HLA-DOB: variants seen among roughly 807,000 people sequenced by gnomAD.
The protein encoded by HLA-DOB is major histocompatibility complex, class II, DO beta.
HLA-DOB carries 25 observed loss-of-function variants against 27.7 expected under a neutral mutation model. The ratio of observed to expected loss-of-function variants is 0.90; its 90% CI spans 0.66 to 1.26. The LOEUF (loss-of-function observed/expected upper bound fraction) is 1.26, where lower values mean the gene tolerates loss of function less well. Among genes scored for constraint, HLA-DOB ranks in the 50% most tolerant of loss-of-function variants. HLA-DOB has a pLI of 0.00. For synonymous variants in HLA-DOB, 137 were observed against 125.6 expected (o/e 1.09, Z -0.61); for missense variants, 306 against 324.9 (o/e 0.94, Z 0.45).
Position 32,814,442 on chromosome 6 carries a change from A to G in HLA-DOB, c.521T>C (p.Ile174Thr), listed in dbSNP as rs767194638. Residue 174 changes from isoleucine (I) to threonine (T), a missense_variant, in exon 3 of 6, where the codon ATC (isoleucine) becomes ACC (threonine). Physicochemically the swap from Ile to Thr is moderately conservative, Grantham distance 89. Coordinates refer to ENST00000438763, the MANE Select transcript of HLA-DOB (RefSeq NM_002120.4). ...CTGAAAGGTCCAGTCTCCATTCCTG[A>G]TAGGGCCAGTGGACATGACCCCAGC... ...ERAGVMSTGP[I>T]RNGDWTFQTV... The G allele has an allele frequency of 4.1e-5, 66 of 1,612,930 alleles. No homozygotes were observed. The highest frequency in any genetic ancestry group is 6.7e-5 in the Admixed American group (4 of 59,994).
chr6:32,815,366 A>G, intron 1 of HLA-DOB, 53 bp from the exon 2 acceptor site: 1 of 1,603,176 alleles, frequency 6.2e-7, no homozygotes, highest in Non-Finnish European at 8.5e-7. Context: ...GGGAAAACCC[A>G]TGCCTGGTAA....
rs947677128 is a variant in HLA-DOB, at chr6:32,815,132, C to T, written c.273G>A (p.Leu91=). ...QPDAEQWNSR[L]DLLERSRQAV... is the part of the protein sequence containing the mutation. ...CCTGTCTGCTCCTCTCCAAGAGATC[C>T]AGCCGGCTGTTCCACTGCTCAGCAT... Residue 91 remains leucine (L), a synonymous_variant, in exon 2 of 6, where the codon CTG becomes CTA. Transcript: ENST00000438763. 8.7e-6 allele frequency: 14 copies of T among 1,614,104 alleles called. No homozygotes were observed. The highest frequency in any genetic ancestry group is 1.2e-5 in the Non-Finnish European group (14 of 1,180,046).
chr6:32,816,780 C>G, intron 1 of HLA-DOB, 81 bp downstream of exon 1: 1 of 1,152,060 alleles, frequency 8.7e-7, no homozygotes. Flanking sequence ...GGTCTGTGGC[C>G]TGGACTTACA....
Position 32,815,290 on chromosome 6 carries a change from C to T in HLA-DOB, c.115G>A (p.Ala39Thr), listed in dbSNP as rs1242945335. ...SPEDFVIQAKADCYFTNGTEK... is the reference protein window; with the variant it reads ...SPEDFVIQAKTDCYFTNGTEK... ...GTCCCGTTGGTGAAGTAACAGTCAG[C>T]CTTTGCCTGAATCACAAAATCTTCT... The change falls in exon 2 of 6, where the codon GCT (alanine) becomes ACT (threonine). Residue 39 changes from alanine to threonine, a missense_variant. Coordinates refer to ENST00000438763, the MANE Select transcript of HLA-DOB (RefSeq NM_002120.4). 1.2e-6 allele frequency: 2 copies of T among 1,614,150 alleles called. No individual in the cohort carries two copies. Among genetic ancestry groups the T allele is most frequent in the Non-Finnish European group, 8.5e-7 (1 of 1,179,982 alleles).
Position 32,813,143 on chromosome 6 carries a change from C to A in HLA-DOB, c.*73G>T, listed in dbSNP as rs989783723. 2.2e-6 allele frequency: 3 copies of A among 1,346,476 alleles called. No individual in the cohort carries two copies. Among genetic ancestry groups the A allele is most frequent in the Non-Finnish European group, 3.2e-6 (3 of 936,602 alleles). 83.4% of individuals were successfully genotyped at this position (1,346,476 alleles called of 1,614,324 possible). ...CCCAGAACATTGACCTCATGAATGT[C>A]CTTTACCTCACCCAGGGCCCAGACT... On this transcript the variant is annotated 3_prime_UTR_variant, in exon 6 of 6. Coordinates refer to ENST00000438763, the MANE Select transcript of HLA-DOB (RefSeq NM_002120.4).
chr6:32,815,401 A>G (rs1767977615), intron 1 of HLA-DOB, 88 bp from the exon 2 acceptor site: 2 of 1,440,466 alleles, frequency 1.4e-6, no homozygotes, highest in African/African-American at 2.8e-5. Context: ...CATGGATCTA[A>G]GAGGAGGCCT....
chr6:32,815,243 G>A lies in HLA-DOB; in HGVS notation c.162C>T (p.Val54=), dbSNP rs1449581473. Residue 54 remains valine (V), a synonymous_variant, in exon 2 of 6, where the codon GTC becomes GTT. Coordinates refer to ENST00000438763, the MANE Select transcript of HLA-DOB (RefSeq NM_002120.4). ...TNGTEKVQFV[V]RFIFNLEEYV... ...ACTCCTCCAAGTTAAAGATGAATCT[G>A]ACCACAAACTGCACCTTTTCTGTCC... The A allele has an allele frequency of 2.5e-6, 4 of 1,614,168 alleles. No homozygotes were observed. In the Admixed American group the frequency reaches 6.7e-5, roughly 27 times the overall value.
rs1290083690 is a variant in HLA-DOB, at chr6:32,815,303, C to T, written c.102G>A (p.Val34=). The T allele has an allele frequency of 6.2e-7, 1 of 1,613,982 alleles. No individual in the cohort carries two copies. Among genetic ancestry groups the T allele is most frequent in the Admixed American group, 1.7e-5 (1 of 60,024 alleles). ...TQGTDSPEDF[V]IQAKADCYFT... Reference sequence around the variant, plus strand: ...AGTAACAGTCAGCCTTTGCCTGAATCACAAAATCTTCTGGAAAACCAAAAC... The same window carrying T: ...AGTAACAGTCAGCCTTTGCCTGAATTACAAAATCTTCTGGAAAACCAAAAC... Residue 34 remains valine, a synonymous_variant, in exon 2 of 6, where the codon GTG becomes GTA. Transcript: ENST00000438763.
At chr6:32,814,776 G>A (rs1402512088) in intron 2 of HLA-DOB, among the ~76,000 whole-genome samples, 175 bp from the exon 3 acceptor site, 1 of 152,160 alleles carries the variant, frequency 6.6e-6, no homozygotes, top group Non-Finnish European at 1.5e-5. Flanking sequence ...TGCCTGTCAG[G>A]AGGATTTAGA....
At chr6:32,813,658 T>G in intron 4 of HLA-DOB, 65 bp downstream of exon 4, 2 of 1,202,156 alleles carry the variant, frequency 1.7e-6, no homozygotes, top group Non-Finnish European at 2.4e-6. Flanking sequence ...ATCATTGACG[T>G]TAGGGAAGGT....
At chr6:32,816,104 C>A (rs777550853) in intron 1 of HLA-DOB, among the ~76,000 whole-genome samples, 1 of 151,966 alleles carries the variant, frequency 6.6e-6, no homozygotes, top group Admixed American at 6.5e-5. Flanking sequence ...AAACTCAGGG[C>A]GGTTTCTATT....
intron 1 of HLA-DOB, among the ~76,000 whole-genome samples, chr6:32,815,521 T>A (rs1182401236): frequency 1.3e-5 from 2 of 152,194 alleles, no homozygotes; most frequent in African/African-American, 4.8e-5. Context: ...AGAGCAATAA[T>A]GCTACATATT....
rs746190236 is a variant in HLA-DOB, at chr6:32,816,940, C to T, written c.12G>A (p.Gly4=). MGS[G]WVPWVVALLV... ...GCAGAGCCACCACCCAGGGGACCCACCCAGAACCCATTCTGGAGAAAGGAA... is the reference window on the plus strand; with the variant it reads ...GCAGAGCCACCACCCAGGGGACCCATCCAGAACCCATTCTGGAGAAAGGAA... The change falls in exon 1 of 6, where the codon GGG becomes GGA. Residue 4 remains glycine, a synonymous_variant. Coordinates refer to ENST00000438763, the MANE Select transcript of HLA-DOB (RefSeq NM_002120.4). 11 of 1,612,520 alleles carry T rather than the reference C, an allele frequency of 6.8e-6. No homozygotes were observed. The East Asian group carries it at 1.1e-4, about 16-fold the overall frequency.
In HLA-DOB at chr6:32,815,610, C is replaced by T. The variant is rs60601161; in HGVS notation, c.92-297G>A. Among the ~76,000 whole-genome samples the T allele has an allele frequency of 0.054, 8,188 of 152,216 alleles. 337 individuals carry two copies. Among genetic ancestry groups the T allele is most frequent in the East Asian group, 0.12 (611 of 5,190 alleles). On this transcript the variant is annotated intron_variant, in intron 1 of 5. Coordinates refer to ENST00000438763, the MANE Select transcript of HLA-DOB (RefSeq NM_002120.4). Reference sequence around the variant, plus strand: ...CTCTAGGGAGGGGAGAGAATGAGAACGGAGGCAAGAGAAGAGACGAGAGAG... The same window carrying T: ...CTCTAGGGAGGGGAGAGAATGAGAATGGAGGCAAGAGAAGAGACGAGAGAG...
intron 5 of HLA-DOB, 79 bp from the exon 6 acceptor site, chr6:32,813,330 C>T: frequency 6.3e-7 from 1 of 1,590,102 alleles, no homozygotes; most frequent in East Asian, 2.2e-5. Flanking sequence ...GGGGACAGTC[C>T]CATCCAGACA....
intron 3 of HLA-DOB, 44 bp downstream of exon 3, chr6:32,814,276 T>C (rs754137607): frequency 6.4e-7 from 1 of 1,565,842 alleles, no homozygotes; most frequent in South Asian, 1.1e-5. Flanking sequence ...TGAGTCAGTA[T>C]AGTCCTGAGT....
chr6:32,816,867 A>T lies in HLA-DOB; in HGVS notation c.85T>A (p.Ser29Thr). The change falls in exon 1 of 6, where the codon TCT becomes ACT. Residue 29 changes from serine (S) to threonine (T), a missense_variant. Coordinates refer to ENST00000438763, the MANE Select transcript of HLA-DOB (RefSeq NM_002120.4). ...ACAATTGCTCTGTTCTTACCTGGAG[A>T]GTCTGTGCCTTGAGTCATGGAGGAA... is the stretch of plus-strand genomic sequence containing the variant. ...LDSSMTQGTDSPEDFVIQAKA... is the reference protein window; with the variant it reads ...LDSSMTQGTDTPEDFVIQAKA... 6.2e-7 allele frequency: 1 copy of T among 1,612,282 alleles called. No homozygotes were observed. Among genetic ancestry groups the T allele is most frequent in the Non-Finnish European group, 8.5e-7 (1 of 1,179,436 alleles).
In HLA-DOB at chr6:32,816,505, G is replaced by A. The variant is rs896959373; in HGVS notation, c.91+356C>T. ...TGTCCTGACCAAAAAATCACAGATT[G>A]CCTCTGTGACCCAGCCTACTGCAGG... is the stretch of plus-strand genomic sequence containing the variant. On this transcript the variant is annotated intron_variant, in intron 1 of 5. Transcript: ENST00000438763. Among the ~76,000 whole-genome samples the A allele has an allele frequency of 2.3e-4, 35 of 152,132 alleles. 1 individual carries two copies. The highest frequency in any genetic ancestry group is 6.5e-4 in the African/African-American group (27 of 41,432).
chr6:32,812,938 T>G lies in HLA-DOB; in HGVS notation c.*278A>C. 1.9e-6 allele frequency: 1 copy of G among 532,616 alleles called. No individual in the cohort carries two copies. The highest frequency in any genetic ancestry group is 3.1e-5 in the East Asian group (1 of 32,536). The allele number at this position is 532,616 out of a possible 1,614,324, so 33.0% of individuals were successfully genotyped here. Reference sequence around the variant, plus strand: ...TAGGGCTGGACCACAGAAAAGTAAATGATTTGGGGCTGGAAGGAGTAAGGT... The same window carrying G: ...TAGGGCTGGACCACAGAAAAGTAAAGGATTTGGGGCTGGAAGGAGTAAGGT... On this transcript the variant is annotated 3_prime_UTR_variant, in exon 6 of 6. Coordinates refer to ENST00000438763, the MANE Select transcript of HLA-DOB (RefSeq NM_002120.4).
Sources: allele counts gnomAD v4.1 joint callset (sites outside exome capture counted in the v4.1 genomes callset), GRCh38; gene constraint gnomAD v4.1.1; transcripts MANE v1.5; gene names NCBI Gene and HGNC (gene_info 2026-07-23, HGNC 2026-07-21).